The following ESRRG variants were observed in gnomAD, a reference collection of about 807,000 sequenced individuals.
ESRRG encodes the protein estrogen-related receptor gamma.
Under a neutral mutation model 44.0 loss-of-function variants are expected in ESRRG, and 13 were observed. That is an observed-to-expected ratio of 0.30 (90% CI 0.19 to 0.47). The LOEUF is 0.47. Among genes scored for constraint, ESRRG ranks in the 20% least tolerant of loss-of-function variants. ESRRG has a pLI of 1.00. For missense variants in ESRRG, 395 were observed against 580.6 expected (o/e 0.68, Z 3.29); for synonymous variants, 215 against 214.6 (o/e 1.00, Z -0.02).
chr1:216,785,254 T>C (rs1018796940), intron 2 of ESRRG, among the ~76,000 whole-genome samples: 1 of 152,102 alleles, frequency 6.6e-6, no homozygotes, highest in Admixed American at 6.6e-5. Flanking sequence ...CAAGGCATCA[T>C]TTAAAACACA....
At chr1:216,699,753 T>C (rs1169140211) in intron 1 of ESRRG, among the ~76,000 whole-genome samples, 1 of 152,150 alleles carries the variant, frequency 6.6e-6, no homozygotes, top group Non-Finnish European at 1.5e-5. Context: ...TTCAACACCA[T>C]GTGAGTTAAT....
intron 1 of ESRRG, among the ~76,000 whole-genome samples, chr1:217,044,465 T>C (rs2084476726): frequency 6.6e-6 from 1 of 152,188 alleles, no homozygotes; most frequent in Non-Finnish European, 1.5e-5. Flanking sequence ...GACCCATTCC[T>C]GGAAATCTTT....
chr1:216,566,761 G>T (rs1573115498), intron 4 of ESRRG, among the ~76,000 whole-genome samples: 1 of 152,168 alleles, frequency 6.6e-6, no homozygotes, highest in Non-Finnish European at 1.5e-5. Context: ...ATGCCAAACA[G>T]CTTATGCAGG....
At chr1:216,729,712 GA>G (rs1412068157) in intron 2 of ESRRG, among the ~76,000 whole-genome samples, 1 of 152,166 alleles carries the variant, frequency 6.6e-6, no homozygotes, top group African/African-American at 2.4e-5. Flanking sequence ...GAAAGAAGGG[GA>G]GAGAGAAATT....
intron 1 of ESRRG, among the ~76,000 whole-genome samples, chr1:217,065,031 C>T (rs1235747369): frequency 6.6e-6 from 1 of 152,140 alleles, no homozygotes; most frequent in Non-Finnish European, 1.5e-5. Context: ...AAGTACCAGG[C>T]TTGGGGACTC....
At chr1:216,850,685 A>T (rs2095828558) in intron 2 of ESRRG, among the ~76,000 whole-genome samples, 2 of 152,214 alleles carry the variant, frequency 1.3e-5, no homozygotes, top group South Asian at 4.1e-4. Context: ...ATATGAAAAG[A>T]TATATATCAT....
intron 2 of ESRRG, among the ~76,000 whole-genome samples, chr1:216,890,587 G>A (rs545329559): frequency 6.6e-6 from 1 of 152,274 alleles, no homozygotes; most frequent in African/African-American, 2.4e-5. Context: ...ATAACAAAAT[G>A]AGGGTTTTAC....
At chr1:217,090,569 A>AT, upstream of ESRRG, 1 of 152,074 alleles carries the variant, frequency 6.6e-6, no homozygotes, top group East Asian at 1.9e-4. Context: ...AACTGGAGCT[A>AT]TTTTTGTCTC....
At chr1:216,753,175 T>TACACACACACAC (rs145640833) in intron 2 of ESRRG, among the ~76,000 whole-genome samples, 344 of 148,990 alleles carry the variant, frequency 2.3e-3, no homozygotes, top group African/African-American at 6.5e-3. Context: ...TATATATTGA[T>TACACACACACAC]ACACACACAC....
chr1:216,518,029 A>G (rs1358491890), intron 6 of ESRRG, among the ~76,000 whole-genome samples: 2 of 152,156 alleles, frequency 1.3e-5, no homozygotes, highest in Non-Finnish European at 2.9e-5. Flanking sequence ...ATTATTTCTA[A>G]AAACAGTCAC....
At chr1:217,134,326 G>T (rs1252604014) in intron 1 of ESRRG, among the ~76,000 whole-genome samples, 1 of 152,168 alleles carries the variant, frequency 6.6e-6, no homozygotes, top group African/African-American at 2.4e-5. Flanking sequence ...ACTTTTGGGG[G>T]AATGTGGCCA....
intron 1 of ESRRG, among the ~76,000 whole-genome samples, chr1:217,067,223 A>T (rs776675242): frequency 6.6e-6 from 1 of 152,236 alleles, no homozygotes; most frequent in Non-Finnish European, 1.5e-5. Context: ...TGTCTGTGCA[A>T]CATAGCAAAT....
At chr1:217,021,083 C>CACACACAG (rs755502621) in intron 1 of ESRRG, among the ~76,000 whole-genome samples, 2 of 146,488 alleles carry the variant, frequency 1.4e-5, no homozygotes, top group Admixed American at 7.0e-5. Context: ...CACATACACA[C>CACACACAG]AGAGAAAGAT....
At chr1:216,555,934 A>T (rs2149441853) in intron 5 of ESRRG, among the ~76,000 whole-genome samples, 1 of 152,250 alleles carries the variant, frequency 6.6e-6, no homozygotes, top group East Asian at 1.9e-4. Context: ...CGACCAGCCC[A>T]CTGAAGGGAA....
intron 1 of ESRRG, among the ~76,000 whole-genome samples, chr1:217,071,065 G>T (rs925730247): frequency 1.3e-5 from 2 of 151,314 alleles, no homozygotes; most frequent in Non-Finnish European, 2.9e-5. Context: ...CATTATTCTT[G>T]TCCACCACTG....
At chr1:217,052,915 A>G (rs1369111133) in intron 1 of ESRRG, among the ~76,000 whole-genome samples, 2 of 152,150 alleles carry the variant, frequency 1.3e-5, no homozygotes, top group Non-Finnish European at 2.9e-5. Context: ...GGGAGCTTTG[A>G]TGAAAATAAA....
At chr1:217,028,263 C>A (rs1162516595) in intron 1 of ESRRG, among the ~76,000 whole-genome samples, 2 of 152,174 alleles carry the variant, frequency 1.3e-5, no homozygotes, top group African/African-American at 2.4e-5. Context: ...CCTGGAAGGA[C>A]TTAAAACATG....
At chr1:216,987,738 T>C (rs2075094176) in intron 1 of ESRRG, among the ~76,000 whole-genome samples, 1 of 152,190 alleles carries the variant, frequency 6.6e-6, no homozygotes, top group South Asian at 2.1e-4. Context: ...AAGGCTGGCT[T>C]ATCTGCCATC....
intron 1 of ESRRG, among the ~76,000 whole-genome samples, chr1:216,681,477 T>C (rs574020492): frequency 1.0e-3 from 158 of 152,178 alleles, no homozygotes; most frequent in African/African-American, 3.6e-3. Context: ...CAGTGTGTGA[T>C]GTTCCCCTTC....
Sources: gnomAD v4.1 joint callset for allele counts (sites outside exome capture counted in the v4.1 genomes callset) on GRCh38, gnomAD v4.1.1 for gene constraint, MANE v1.5 for transcripts, NCBI Gene and HGNC (gene_info 2026-07-23, HGNC 2026-07-21) for gene names.